The following HSDL2 variants were observed in gnomAD, a reference collection of about 807,000 sequenced individuals.
HSDL2 encodes hydroxysteroid dehydrogenase like 2, also known as hydroxysteroid dehydrogenase-like protein 2.
Under a neutral mutation model 46.3 loss-of-function variants are expected in HSDL2, and 27 were observed. The observed-to-expected ratio is 0.58, with a 90% CI of 0.43 to 0.80. The LOEUF (loss-of-function observed/expected upper bound fraction) is 0.80, where lower values mean the gene tolerates loss of function less well. HSDL2 is among the 30% of genes least tolerant of loss of function. The pLI is 0.00. For synonymous variants in HSDL2, 153 were observed against 163.6 expected, an observed-to-expected ratio of 0.94 and a Z score of 0.50; for missense variants, 451 against 502.7, an observed-to-expected ratio of 0.90 and a Z score of 0.98.
intron 1 of HSDL2, among the ~76,000 whole-genome samples, 195 bp downstream of exon 1, chr9:112,380,375 A>G (rs1044176600): frequency 1.3e-5 from 2 of 151,928 alleles, no homozygotes; most frequent in African/African-American, 2.4e-5. Context: ...AAGGAACACA[A>G]ACTTTTGTAT....
intron 9 of HSDL2, among the ~76,000 whole-genome samples, chr9:112,454,857 C>T (rs372886671): frequency 6.6e-6 from 1 of 151,658 alleles, no homozygotes; most frequent in African/African-American, 2.4e-5. Flanking sequence ...AGGCACCCAC[C>T]ACCACACATG....
intron 4 of HSDL2, among the ~76,000 whole-genome samples, chr9:112,413,779 AG>A (rs2132635968): frequency 6.6e-6 from 1 of 152,280 alleles, no homozygotes; most frequent in South Asian, 2.1e-4. Flanking sequence ...TTACTCAGCA[AG>A]GCCGTTTTTA....
At chr9:112,422,075 G>A (rs1832136088) in intron 6 of HSDL2, among the ~76,000 whole-genome samples, 1 of 152,176 alleles carries the variant, frequency 6.6e-6, no homozygotes, top group South Asian at 2.1e-4. Flanking sequence ...AGGAGTGGAA[G>A]TGAGGAGACC....
intron 8 of HSDL2, among the ~76,000 whole-genome samples, chr9:112,450,520 T>A (rs1329976889): frequency 1.3e-5 from 2 of 150,694 alleles, no homozygotes; most frequent in Non-Finnish European, 2.9e-5. Context: ...TCCCAGCTAT[T>A]CGGGAGGCTG....
intron 6 of HSDL2, among the ~76,000 whole-genome samples, chr9:112,431,482 C>T (rs532474381): frequency 2.6e-5 from 4 of 152,006 alleles, no homozygotes; most frequent in African/African-American, 9.7e-5. Flanking sequence ...GAAGAAGGAG[C>T]TTGGGGAGTG....
chr9:112,454,701 T>C (rs1832974352), intron 9 of HSDL2, among the ~76,000 whole-genome samples: 1 of 152,070 alleles, frequency 6.6e-6, no homozygotes, highest in Admixed American at 6.6e-5. Context: ...TTTTTATTTT[T>C]AAAAATTTAT....
chr9:112,453,453 C>G (rs372095510), intron 8 of HSDL2, among the ~76,000 whole-genome samples: 4 of 152,140 alleles, frequency 2.6e-5, no homozygotes, highest in African/African-American at 9.7e-5. Flanking sequence ...AGTGCAGTAG[C>G]GTGATCTCGG....
chr9:112,428,325 T>C (rs2418207), intron 6 of HSDL2, among the ~76,000 whole-genome samples: 151,083 of 152,378 alleles, frequency 0.99, 74,903 homozygotes, highest in Middle Eastern at 1. Flanking sequence ...TCCCTGGTCC[T>C]CACTGTGGGA....
In HSDL2 at chr9:112,470,660, C is replaced by A; in HGVS notation, c.*116C>A. The A allele has an allele frequency of 1.7e-6, 1 of 571,928 alleles. No homozygotes were observed. The highest frequency in any genetic ancestry group is 2.5e-5 in the South Asian group (1 of 40,500). 35.4% of individuals were successfully genotyped at this position (571,928 alleles called of 1,614,324 possible). On this transcript the variant is annotated 3_prime_UTR_variant, in exon 11 of 11. Coordinates refer to ENST00000398805, the MANE Select transcript of HSDL2 (RefSeq NM_032303.5). ...TATTATAAGGATATGCACGTTTGTT[C>A]TGGAAAAGATAGAATTTGTCTCTAA...
Position 112,462,045 on chromosome 9 carries a change from TCTTA to T in HSDL2, c.1144+2471_1144+2474del, listed in dbSNP as rs376230581. Among the ~76,000 whole-genome samples the T allele has an allele frequency of 2.9e-3, 449 of 152,336 alleles. 4 individuals carry two copies. Among genetic ancestry groups the T allele is most frequent in the Middle Eastern group, 0.014 (4 of 294 alleles). On this transcript the variant is annotated intron_variant, in intron 10 of 10. Transcript: ENST00000398805. Reference sequence around the variant, plus strand: ...GCTTGTGCTTCTTATGTCCTTTTATTCTTACTGTTTATCCCATCTGCTTTCCTTT... The same window carrying T: ...GCTTGTGCTTCTTATGTCCTTTTATTCTGTTTATCCCATCTGCTTTCCTTT...
intron 8 of HSDL2, among the ~76,000 whole-genome samples, chr9:112,447,739 T>C (rs1164081855): frequency 6.6e-6 from 1 of 152,194 alleles, no homozygotes; most frequent in East Asian, 1.9e-4. Flanking sequence ...GGAGGAAATA[T>C]TTATTACTCA....
intron 6 of HSDL2, among the ~76,000 whole-genome samples, chr9:112,430,272 A>C (rs1359377587): frequency 6.6e-6 from 1 of 152,172 alleles, no homozygotes; most frequent in Non-Finnish European, 1.5e-5. Flanking sequence ...GAGGGAAAAC[A>C]TGCAAGGCAG....
chr9:112,440,572 G>A (rs984427673), intron 7 of HSDL2, among the ~76,000 whole-genome samples: 1 of 152,122 alleles, frequency 6.6e-6, no homozygotes, highest in African/African-American at 2.4e-5. Context: ...ACCATTAGCT[G>A]AAAATAAGAC....
chr9:112,440,652 C>G (rs1587956645), intron 7 of HSDL2, among the ~76,000 whole-genome samples: 2 of 152,072 alleles, frequency 1.3e-5, no homozygotes, highest in Admixed American at 1.3e-4. Context: ...GCCAGTGGAT[C>G]GCTTGAGCCA....
At chr9:112,409,334 C>T (rs568474116) in intron 4 of HSDL2, among the ~76,000 whole-genome samples, 4 of 152,138 alleles carry the variant, frequency 2.6e-5, no homozygotes, top group Middle Eastern at 3.4e-3. Context: ...GGATTACAGG[C>T]GCCCACCACC....
chr9:112,418,941 C>A lies in HSDL2; in HGVS notation c.581C>A (p.Ala194Glu), dbSNP rs868805737. 6.3e-7 allele frequency: 1 copy of A among 1,587,766 alleles called. No homozygotes were observed. Among genetic ancestry groups the A allele is most frequent in the Non-Finnish European group, 8.6e-7 (1 of 1,158,814 alleles). Residue 194 changes from alanine to glutamate, a missense_variant, in exon 6 of 11, where the codon GCA becomes GAA. By Grantham distance (107) the Ala-to-Glu change is moderately radical. Coordinates refer to ENST00000398805, the MANE Select transcript of HSDL2 (RefSeq NM_032303.5). ...EEFKGEIAVN[A>E]LWPKTAIHTA... ...TTTAAAGGTGAAATTGCAGTCAATG[C>A]ATTATGGCCTAAAACAGGTATGTAT...
chr9:112,407,776 C>T (rs1831763867), intron 3 of HSDL2, among the ~76,000 whole-genome samples: 1 of 151,960 alleles, frequency 6.6e-6, no homozygotes, highest in Admixed American at 6.6e-5. Context: ...TAAAATTTAC[C>T]ATCCTATTTT....
At chr9:112,400,611 AAAC>A (rs1831569095) in intron 1 of HSDL2, among the ~76,000 whole-genome samples, 1 of 152,224 alleles carries the variant, frequency 6.6e-6, no homozygotes, top group Admixed American at 6.5e-5. Flanking sequence ...GTCTCAAACA[AAAC>A]AAAACAAACA....
At chr9:112,409,841 A>G (rs562066284) in intron 4 of HSDL2, among the ~76,000 whole-genome samples, 1 of 151,812 alleles carries the variant, frequency 6.6e-6, no homozygotes, top group Admixed American at 6.6e-5. Flanking sequence ...TAACAGAGAA[A>G]GACTGTCTCC....
Sources: gnomAD v4.1 joint callset for allele counts (sites outside exome capture counted in the v4.1 genomes callset) on GRCh38, gnomAD v4.1.1 for gene constraint, MANE v1.5 for transcripts, NCBI Gene and HGNC (gene_info 2026-07-23, HGNC 2026-07-21) for gene names.